SLC24A3: variants seen among roughly 807,000 people sequenced by gnomAD.
SLC24A3 encodes sodium/potassium/calcium exchanger 3.
In SLC24A3, 28 loss-of-function variants were observed where a neutral mutation model predicts 75.8. The ratio of observed to expected loss-of-function variants is 0.37; its 90% CI spans 0.27 to 0.51. The LOEUF is 0.51. Ranked by LOEUF, SLC24A3 falls within the 20% of genes least tolerant of loss-of-function variation. The probability of loss-of-function intolerance (pLI) is 0.94; values close to 1 mark genes in which losing one functional copy is unlikely to be tolerated. For synonymous variants in SLC24A3, 372 were observed against 334.1 expected (o/e 1.11, Z -1.24); for missense variants, 663 against 847.8 (o/e 0.78, Z 2.71).
intron 7 of SLC24A3, among the ~76,000 whole-genome samples, chr20:19,655,293 A>G (rs1437308516): frequency 6.6e-6 from 1 of 152,158 alleles, no homozygotes; most frequent in Non-Finnish European, 1.5e-5. Flanking sequence ...GTCTCCATAA[A>G]GAACACCTGC....
chr20:19,604,047 G>A (rs955350697), intron 6 of SLC24A3, among the ~76,000 whole-genome samples: 1 of 152,214 alleles, frequency 6.6e-6, no homozygotes, highest in African/African-American at 2.4e-5. Flanking sequence ...CCATCGGTGA[G>A]TATCTTCTGA....
chr20:19,289,180 T>C (rs1196126942), intron 2 of SLC24A3, among the ~76,000 whole-genome samples: 2 of 152,024 alleles, frequency 1.3e-5, no homozygotes, highest in South Asian at 4.2e-4. Context: ...TACTCTCCCC[T>C]CCTCCTGCCC....
At chr20:19,601,858 T>A (rs1256204267) in intron 6 of SLC24A3, among the ~76,000 whole-genome samples, 1 of 151,890 alleles carries the variant, frequency 6.6e-6, no homozygotes, top group Non-Finnish European at 1.5e-5. Context: ...GTAATAGGAG[T>A]AGTAGTAGCA....
At chr20:19,311,939 G>A (rs772228709) in intron 2 of SLC24A3, among the ~76,000 whole-genome samples, 1 of 151,866 alleles carries the variant, frequency 6.6e-6, no homozygotes, top group African/African-American at 2.4e-5. Flanking sequence ...CTTCCCATGC[G>A]CCCTTCCTCT....
At chr20:19,311,981 A>G (rs942404942) in intron 2 of SLC24A3, among the ~76,000 whole-genome samples, 7 of 152,044 alleles carry the variant, frequency 4.6e-5, no homozygotes, top group Non-Finnish European at 8.8e-5. Flanking sequence ...ATAACTATGA[A>G]TCCATTCGCT....
rs938538188 is a variant in SLC24A3, at chr20:19,520,548, G to A, written c.348+4984G>A. On this transcript the variant is annotated intron_variant, in intron 3 of 16. Transcript: ENST00000328041. ...TATTAAAGGAAATAGGCTCTCTACGGCGCAGGTCATTCCGGAAGTCCAAGC... is the reference window on the plus strand; with the variant it reads ...TATTAAAGGAAATAGGCTCTCTACGACGCAGGTCATTCCGGAAGTCCAAGC... Among the ~76,000 whole-genome samples, 3 of 152,192 alleles carry A rather than the reference G, an allele frequency of 2.0e-5. No homozygotes were observed. The South Asian group carries it at 6.2e-4, about 31-fold the overall frequency.
At chr20:19,706,972 G>A (rs558263683) in intron 15 of SLC24A3, among the ~76,000 whole-genome samples, 3 of 152,220 alleles carry the variant, frequency 2.0e-5, no homozygotes, top group African/African-American at 7.2e-5. Flanking sequence ...GCTGCTCTGG[G>A]CTTGGCTGCA....
chr20:19,264,739 A>AAAG (rs1983108448), intron 1 of SLC24A3, among the ~76,000 whole-genome samples: 2 of 151,102 alleles, frequency 1.3e-5, no homozygotes, highest in Admixed American at 1.3e-4. Flanking sequence ...AAAAAAAAAA[A>AAAG]AAAAAACAAA....
At chr20:19,270,085 T>C (rs1242372092) in intron 1 of SLC24A3, among the ~76,000 whole-genome samples, 4 of 152,208 alleles carry the variant, frequency 2.6e-5, no homozygotes, top group African/African-American at 7.2e-5. Context: ...TTGGAGCTAC[T>C]ACACAATGCA....
chr20:19,567,824 C>T (rs1319996108), intron 3 of SLC24A3, among the ~76,000 whole-genome samples: 1 of 152,034 alleles, frequency 6.6e-6, no homozygotes, highest in African/African-American at 2.4e-5. Context: ...TCAAAGGACA[C>T]AATCAATAGA....
intron 6 of SLC24A3, among the ~76,000 whole-genome samples, chr20:19,651,374 TATATA>T (rs2032200049): frequency 7.0e-5 from 5 of 71,904 alleles, no homozygotes; most frequent in African/African-American, 5.7e-4. Context: ...GTTTTTATTA[TATATA>T]TATATATATA....
At chr20:19,636,438 G>T (rs1335013519) in intron 6 of SLC24A3, among the ~76,000 whole-genome samples, 4 of 152,220 alleles carry the variant, frequency 2.6e-5, no homozygotes, top group Non-Finnish European at 4.4e-5. Flanking sequence ...TAAGGCAAAA[G>T]AAGGTATGTC....
chr20:19,307,684 G>A (rs6136677), intron 2 of SLC24A3, among the ~76,000 whole-genome samples: 23,500 of 152,080 alleles, frequency 0.15, 4,435 homozygotes, highest in African/African-American at 0.43. Flanking sequence ...ATGGGTTGAT[G>A]GGTGCAGCAA....
chr20:19,585,795 A>G (rs1254015065), intron 6 of SLC24A3, among the ~76,000 whole-genome samples: 7 of 152,172 alleles, frequency 4.6e-5, no homozygotes, highest in African/African-American at 1.7e-4. Flanking sequence ...AATTAACCAG[A>G]CTGAAAGATG....
intron 4 of SLC24A3, 110 bp from the exon 5 acceptor site, chr20:19,584,861 C>T: frequency 2.1e-6 from 2 of 933,974 alleles, no homozygotes; most frequent in Non-Finnish European, 3.3e-6. Flanking sequence ...CCTACTCTCG[C>T]TGAAGCCCCA....
intron 13 of SLC24A3, 38 bp from the exon 14 acceptor site, chr20:19,696,759 G>T: frequency 1.4e-6 from 2 of 1,470,914 alleles, no homozygotes; most frequent in East Asian, 2.3e-5. Context: ...GGGGCTTGAG[G>T]TGACCCTCAG....
chr20:19,419,289 T>C (rs1191413017), intron 2 of SLC24A3, among the ~76,000 whole-genome samples: 1 of 151,580 alleles, frequency 6.6e-6, no homozygotes, highest in Non-Finnish European at 1.5e-5. Context: ...CTGGTGGAAG[T>C]ACACACCACC....
intron 1 of SLC24A3, among the ~76,000 whole-genome samples, chr20:19,247,987 G>T (rs1231215412): frequency 6.6e-6 from 1 of 152,170 alleles, no homozygotes; most frequent in Non-Finnish European, 1.5e-5. Flanking sequence ...AGATGATTGA[G>T]AGTATTCCAT....
chr20:19,536,316 C>T (rs911230591), intron 3 of SLC24A3, among the ~76,000 whole-genome samples: 1 of 152,018 alleles, frequency 6.6e-6, no homozygotes, highest in Non-Finnish European at 1.5e-5. Context: ...CAAGGTTAGA[C>T]CTGCCCAGAG....
Sources: allele counts gnomAD v4.1 joint callset (sites outside exome capture counted in the v4.1 genomes callset), GRCh38; gene constraint gnomAD v4.1.1; transcripts MANE v1.5; gene names NCBI Gene and HGNC (gene_info 2026-07-23, HGNC 2026-07-21).